The following TTC39C variants were observed in gnomAD, a reference collection of about 807,000 sequenced individuals.
The protein encoded by TTC39C is tetratricopeptide repeat protein 39C.
TTC39C carries 33 observed loss-of-function variants against 76.3 expected under a neutral mutation model. That is an observed-to-expected ratio of 0.43 (90% confidence interval 0.33 to 0.58). The LOEUF (loss-of-function observed/expected upper bound fraction) is 0.58. Among genes scored for constraint, TTC39C ranks in the 20% least tolerant of loss-of-function variants. TTC39C has a pLI of 0.04. For missense variants in TTC39C, 595 were observed against 701.4 expected (o/e 0.85, Z 1.71); for synonymous variants, 254 against 260.6 (o/e 0.97, Z 0.24).
intron 1 of TTC39C, among the ~76,000 whole-genome samples, chr18:24,045,269 C>CA (rs34487224): frequency 4.6e-5 from 4 of 87,904 alleles, no homozygotes; most frequent in South Asian, 8.9e-4. Flanking sequence ...ACTCTGTCTC[C>CA]AAAAAAAAAA....
At chr18:24,099,005 ATGTGTGTG>A (rs71373362) in intron 6 of TTC39C, among the ~76,000 whole-genome samples, 22 of 130,736 alleles carry the variant, frequency 1.7e-4, no homozygotes, top group East Asian at 6.7e-4. Flanking sequence ...AGTTAGAGGA[ATGTGTGTG>A]TGTGTGTGTG....
Position 24,095,401 on chromosome 18 carries a change from C to A in TTC39C, c.984+12320C>A, listed in dbSNP as rs564094933. On this transcript the variant is annotated intron_variant, in intron 6 of 13. Transcript: ENST00000317571. ...TTCACTGGAATAGCACTTGTAATTT[C>A]TTTCAAGAACTTTTCAGCTGGGCGC... is the stretch of plus-strand genomic sequence containing the variant. 2.0e-5 allele frequency among the ~76,000 whole-genome samples: 3 copies of A among 152,306 alleles called. No homozygotes were observed. The East Asian group carries it at 5.8e-4, about 29-fold the overall frequency.
rs553139171 is a variant in TTC39C at position 24,087,520 on chromosome 18, C to T, written c.984+4439C>T. ...TTCAGATATTCAAATAAATGAAAGT[C>T]GTTTTCTATAAAGTTAATGAACATA... On this transcript the variant is annotated intron_variant, in intron 6 of 13. Coordinates refer to ENST00000317571, the MANE Select transcript of TTC39C (RefSeq NM_001135993.2). 1.8e-4 allele frequency among the ~76,000 whole-genome samples: 27 copies of T among 151,436 alleles called. No homozygotes were observed. The East Asian group carries it at 5.2e-3, about 29-fold the overall frequency.
At chr18:24,063,242 A>G (rs1450177798) in intron 1 of TTC39C, among the ~76,000 whole-genome samples, 2 of 152,120 alleles carry the variant, frequency 1.3e-5, no homozygotes, top group Non-Finnish European at 2.9e-5. Context: ...TTTGCCTTAC[A>G]ACAAAATCAG....
intron 4 of TTC39C, among the ~76,000 whole-genome samples, chr18:24,075,131 C>G (rs2145749072): frequency 6.6e-6 from 1 of 151,694 alleles, no homozygotes; most frequent in Admixed American, 6.6e-5. Context: ...TGGGGAACAT[C>G]ACACACCGGG....
intron 3 of TTC39C, 37 bp downstream of exon 3, chr18:24,066,177 A>G (rs1453575009): frequency 1.8e-5 from 28 of 1,554,254 alleles, no homozygotes; most frequent in Non-Finnish European, 2.3e-5. Context: ...ACTGTGTGCC[A>G]CTTATTTAGA....
At chr18:24,125,790 A>T in intron 10 of TTC39C, 1 of 449,658 alleles carries the variant, frequency 2.2e-6, no homozygotes. Flanking sequence ...TGCTTTTGTT[A>T]TAAATGTTAT....
chr18:24,038,982 A>T (rs1230146481), intron 1 of TTC39C, among the ~76,000 whole-genome samples: 1 of 152,150 alleles, frequency 6.6e-6, no homozygotes, highest in African/African-American at 2.4e-5. Flanking sequence ...GATATAGTCA[A>T]ATTAGGGGTT....
intron 1 of TTC39C, among the ~76,000 whole-genome samples, chr18:24,001,064 T>C (rs993131679): frequency 6.6e-6 from 1 of 152,102 alleles, no homozygotes; most frequent in African/African-American, 2.4e-5. Flanking sequence ...GTAAGAAAAT[T>C]TGGAGCTAAA....
intron 4 of TTC39C, among the ~76,000 whole-genome samples, chr18:24,069,578 G>T (rs140345014): frequency 6.6e-6 from 1 of 152,274 alleles, no homozygotes; most frequent in African/African-American, 2.4e-5. Context: ...GAATCAGGTT[G>T]TGATAATAAC....
chr18:24,063,552 G>A (rs1275501079), intron 1 of TTC39C, among the ~76,000 whole-genome samples: 4 of 130,410 alleles, frequency 3.1e-5, no homozygotes, highest in African/African-American at 5.9e-5. Flanking sequence ...TCACTCTCTC[G>A]CCCAGGCTGG....
chr18:24,029,265 G>T (rs1415807241), intron 1 of TTC39C, among the ~76,000 whole-genome samples: 2 of 152,096 alleles, frequency 1.3e-5, no homozygotes, highest in Non-Finnish European at 2.9e-5. Flanking sequence ...ACCACGCGTG[G>T]CTAAGTTTTG....
intron 1 of TTC39C, among the ~76,000 whole-genome samples, chr18:24,004,674 A>C (rs1194144138): frequency 6.6e-6 from 1 of 152,170 alleles, no homozygotes; most frequent in Non-Finnish European, 1.5e-5. Flanking sequence ...CTTTATTCTG[A>C]GTTTAATATA....
intron 1 of TTC39C, among the ~76,000 whole-genome samples, chr18:23,998,556 G>T (rs1314871689): frequency 6.6e-6 from 1 of 152,178 alleles, no homozygotes; most frequent in African/African-American, 2.4e-5. Context: ...GTTGCAGTGA[G>T]CTGAGATTGC....
intron 1 of TTC39C, among the ~76,000 whole-genome samples, chr18:24,005,501 A>G (rs755836285): frequency 5.3e-5 from 8 of 152,146 alleles, no homozygotes; most frequent in South Asian, 2.1e-4. Context: ...TTCTTTTTCA[A>G]TTAACAGCTT....
intron 1 of TTC39C, among the ~76,000 whole-genome samples, chr18:24,045,265 T>C: frequency 1.7e-3 from 1 of 574 alleles, no homozygotes; most frequent in Admixed American, 0.018. Flanking sequence ...TAAGACTCTG[T>C]CTCCAAAAAA....
intron 10 of TTC39C, among the ~76,000 whole-genome samples, chr18:24,127,225 G>A (rs1026952045): frequency 6.6e-5 from 10 of 152,342 alleles, no homozygotes; most frequent in African/African-American, 9.6e-5. Context: ...ATGGTAAGCA[G>A]TAATGGTACA....
chr18:24,097,255 A>C (rs969078193), intron 6 of TTC39C, among the ~76,000 whole-genome samples: 2 of 152,170 alleles, frequency 1.3e-5, no homozygotes, highest in Non-Finnish European at 2.9e-5. Flanking sequence ...TGAGCATCCC[A>C]AAAAAACTGT....
chr18:24,087,281 A>G (rs4043681), intron 6 of TTC39C, among the ~76,000 whole-genome samples: 119,987 of 152,154 alleles, frequency 0.79, 49,203 homozygotes, highest in Non-Finnish European at 0.91. Flanking sequence ...GGACAAGTCT[A>G]TATTTTCATA....
Sources: allele counts gnomAD v4.1 joint callset (sites outside exome capture counted in the v4.1 genomes callset), GRCh38; gene constraint gnomAD v4.1.1; transcripts MANE v1.5; gene names NCBI Gene and HGNC (gene_info 2026-07-23, HGNC 2026-07-21).